Variants in ADGRL3 observed in about 807,000 individuals in gnomAD.
The protein encoded by ADGRL3 is adhesion G protein-coupled receptor L3, also known as calcium-independent alpha-latrotoxin receptor 3.
Under a neutral mutation model 153.5 loss-of-function variants are expected in ADGRL3, and 62 were observed. The ratio of observed to expected loss-of-function variants is 0.40; its 90% CI spans 0.33 to 0.50. The LOEUF (loss-of-function observed/expected upper bound fraction) is 0.50. ADGRL3 is among the 20% of genes least tolerant of loss of function. ADGRL3 has a pLI of 0.47. For missense variants in ADGRL3, 1,641 were observed against 1,859.4 expected (o/e 0.88, Z 2.16); for synonymous variants, 710 against 672.5 (o/e 1.06, Z -0.86).
intron 9 of ADGRL3, among the ~76,000 whole-genome samples, chr4:61,832,047 A>G (rs2097877274): frequency 6.6e-6 from 1 of 152,120 alleles, no homozygotes; most frequent in Non-Finnish European, 1.5e-5. Context: ...TGTAGAGGCC[A>G]AGGGAAAGCA....
intron 2 of ADGRL3, among the ~76,000 whole-genome samples, chr4:61,494,670 C>G (rs551097588): frequency 8.5e-5 from 13 of 152,132 alleles, no homozygotes; most frequent in African/African-American, 3.1e-4. Context: ...TCTGTTTTAT[C>G]TCAACCAAAT....
chr4:61,719,465 GT>G (rs1443143789), intron 6 of ADGRL3, among the ~76,000 whole-genome samples: 1 of 152,036 alleles, frequency 6.6e-6, no homozygotes, highest in Non-Finnish European at 1.5e-5. Context: ...TTCTACAAGT[GT>G]ACTGTAAGAT....
chr4:61,352,860 G>T (rs2096077200), intron 1 of ADGRL3, among the ~76,000 whole-genome samples: 1 of 152,154 alleles, frequency 6.6e-6, no homozygotes. Context: ...ATTACTTTCA[G>T]TGGCAACAGC....
At chr4:61,675,860 G>C (rs950393281) in intron 5 of ADGRL3, among the ~76,000 whole-genome samples, 1 of 151,760 alleles carries the variant, frequency 6.6e-6, no homozygotes, top group Non-Finnish European at 1.5e-5. Context: ...ACGTTTGACT[G>C]TAGTCACCCA....
At chr4:61,654,400 CTATGGGG>C (rs2094377955) in intron 5 of ADGRL3, among the ~76,000 whole-genome samples, 1 of 151,800 alleles carries the variant, frequency 6.6e-6, no homozygotes, top group African/African-American at 2.4e-5. Context: ...TCATTATTAA[CTATGGGG>C]TAATTTTAAG....
intron 5 of ADGRL3, among the ~76,000 whole-genome samples, chr4:61,646,906 C>G (rs2094019037): frequency 6.6e-6 from 1 of 152,220 alleles, no homozygotes; most frequent in African/African-American, 2.4e-5. Context: ...TGATCTTAGA[C>G]TGCTGTGCTA....
rs1397554927 is a variant in ADGRL3, at chr4:61,228,337, C to A, written c.-240+26572C>A. On this transcript the variant is annotated intron_variant, in intron 1 of 26. Coordinates refer to ENST00000683033, the MANE Select transcript of ADGRL3 (RefSeq NM_001387552.1). ...AGGAAATCATTAAATGTTACTGATA[C>A]TAACATTTTATTTTTATCCCATTTC... Among the ~76,000 whole-genome samples, 11 of 152,270 alleles carry A rather than the reference C, an allele frequency of 7.2e-5. No individual in the cohort carries two copies. The East Asian group carries it at 2.1e-3, about 29-fold the overall frequency.
intron 2 of ADGRL3, among the ~76,000 whole-genome samples, chr4:61,440,445 T>C (rs149811194): frequency 1.3e-3 from 192 of 152,340 alleles, no homozygotes; most frequent in African/African-American, 4.3e-3. Context: ...GAAGAAGGAC[T>C]TAGTAATTGG....
At chr4:61,777,629 C>A (rs1012333241) in intron 8 of ADGRL3, among the ~76,000 whole-genome samples, 2 of 152,132 alleles carry the variant, frequency 1.3e-5, no homozygotes, top group African/African-American at 4.8e-5. Flanking sequence ...TAATTTTGTT[C>A]AGGACAGTTA....
intron 9 of ADGRL3, among the ~76,000 whole-genome samples, chr4:61,872,752 C>T (rs1332305485): frequency 5.3e-5 from 8 of 151,904 alleles, no homozygotes; most frequent in Non-Finnish European, 1.5e-5. Context: ...TGACAATTAG[C>T]AGCATTTAGA....
At chr4:61,301,176 T>C (rs2094571287) in intron 1 of ADGRL3, among the ~76,000 whole-genome samples, 1 of 152,214 alleles carries the variant, frequency 6.6e-6, no homozygotes, top group African/African-American at 2.4e-5. Flanking sequence ...GTATAAAATA[T>C]TAACTTGTCT....
intron 4 of ADGRL3, among the ~76,000 whole-genome samples, chr4:61,542,574 T>C (rs1360762011): frequency 6.6e-6 from 1 of 152,246 alleles, no homozygotes; most frequent in Admixed American, 6.5e-5. Flanking sequence ...GCGATTGTAC[T>C]ATGTAAGTAC....
intron 6 of ADGRL3, 65 bp downstream of exon 6, chr4:61,677,000 G>C: frequency 4.0e-6 from 4 of 989,860 alleles, no homozygotes; most frequent in Non-Finnish European, 6.3e-6. Context: ...TGCATGCATT[G>C]ACAAATATTC....
intron 2 of ADGRL3, among the ~76,000 whole-genome samples, chr4:61,395,884 G>C (rs1361673150): frequency 1.3e-5 from 2 of 151,900 alleles, no homozygotes; most frequent in Non-Finnish European, 2.9e-5. Flanking sequence ...TGTTAATGTA[G>C]AAGGAGGAAC....
intron 11 of ADGRL3, among the ~76,000 whole-genome samples, chr4:61,900,213 C>A (rs973133133): frequency 4.6e-5 from 7 of 152,118 alleles, no homozygotes; most frequent in African/African-American, 1.7e-4. Context: ...GCATAGGTAG[C>A]AATTATACTC....
At chr4:61,530,276 G>A (rs1235647853) in intron 4 of ADGRL3, among the ~76,000 whole-genome samples, 3 of 151,958 alleles carry the variant, frequency 2.0e-5, no homozygotes, top group Admixed American at 6.6e-5. Context: ...CTGCTGGTCA[G>A]CTGTTCCCTG....
At chr4:61,398,751 A>T (rs1313146051) in intron 2 of ADGRL3, among the ~76,000 whole-genome samples, 2 of 151,360 alleles carry the variant, frequency 1.3e-5, no homozygotes, top group Non-Finnish European at 3.0e-5. Flanking sequence ...CCCTTGCCAT[A>T]GTCTTGAAAT....
chr4:61,316,915 T>C (rs1036175852), intron 1 of ADGRL3, among the ~76,000 whole-genome samples: 3 of 152,204 alleles, frequency 2.0e-5, no homozygotes, highest in Admixed American at 2.0e-4. Context: ...GGAAACTATG[T>C]AAAAAGGAAA....
At chr4:61,261,474 T>A (rs953665943) in intron 1 of ADGRL3, among the ~76,000 whole-genome samples, 5 of 152,172 alleles carry the variant, frequency 3.3e-5, no homozygotes, top group Non-Finnish European at 5.9e-5. Context: ...TGGAATTTTT[T>A]CTGAATATTT....
Sources: allele counts gnomAD v4.1 joint callset (sites outside exome capture counted in the v4.1 genomes callset), GRCh38; gene constraint gnomAD v4.1.1; transcripts MANE v1.5; gene names NCBI Gene and HGNC (gene_info 2026-07-23, HGNC 2026-07-21).